Variants in CCDC102B observed in about 807,000 individuals in gnomAD.
CCDC102B encodes the protein coiled-coil domain-containing protein 102B.
Under a neutral mutation model 57.4 loss-of-function variants are expected in CCDC102B, and 75 were observed. The observed-to-expected ratio is 1.31, with a 90% CI of 1.08 to 1.58. The LOEUF (loss-of-function observed/expected upper bound fraction) is 1.58. Ranked by LOEUF, CCDC102B falls within the 40% of genes most tolerant of loss-of-function variation. The pLI, the probability that CCDC102B is intolerant of heterozygous loss-of-function variation, is 0.00. For synonymous variants in CCDC102B, 206 were observed against 201.9 expected (o/e 1.02, Z -0.17); for missense variants, 636 against 582.6 (o/e 1.09, Z -0.94).
chr18:68,973,636 G>A (rs2050356223), intron 6 of CCDC102B, among the ~76,000 whole-genome samples: 1 of 152,032 alleles, frequency 6.6e-6, no homozygotes, highest in Non-Finnish European at 1.5e-5. Context: ...TGTCAAAAAT[G>A]TACAATATAG....
In CCDC102B at chr18:68,838,839, A is replaced by T; in HGVS notation, c.740A>T (p.Asn247Ile). 3 of 1,614,050 alleles carry T rather than the reference A, an allele frequency of 1.9e-6. No individual in the cohort carries two copies. Among genetic ancestry groups the T allele is most frequent in the Non-Finnish European group, 2.5e-6 (3 of 1,179,964 alleles). ...TKTGLRLKAINLPLENEVTEI... is the reference protein window; with the variant it reads ...TKTGLRLKAIILPLENEVTEI... ...ACTGGGCTGAGACTGAAAGCAATAA[A>T]TCTGCCTTTGGAAAATGAAGTAACT... The change falls in exon 3 of 8, where the codon AAT becomes ATT. Residue 247 changes from asparagine (N) to isoleucine (I), a missense_variant. Coordinates refer to ENST00000360242, the MANE Select transcript of CCDC102B (RefSeq NM_024781.3).
At chr18:68,985,085 C>T (rs561887187) in intron 6 of CCDC102B, among the ~76,000 whole-genome samples, 35 of 152,230 alleles carry the variant, frequency 2.3e-4, no homozygotes, top group African/African-American at 8.2e-4. Context: ...GAGAAGTCTA[C>T]ACAATTTGTA....
At chr18:68,876,279 G>A (rs939170153) in intron 5 of CCDC102B, among the ~76,000 whole-genome samples, 37 of 152,288 alleles carry the variant, frequency 2.4e-4, no homozygotes, top group African/African-American at 7.0e-4. Flanking sequence ...ATGTAGAAAT[G>A]GACTTGCCTT....
chr18:68,791,028 A>T (rs1475177802), intron 2 of CCDC102B, among the ~76,000 whole-genome samples: 2 of 152,244 alleles, frequency 1.3e-5, no homozygotes, highest in African/African-American at 4.8e-5. Context: ...TCAAGAGAGT[A>T]AAATAAAACT....
At chr18:68,910,933 A>AC (rs1393186101) in intron 6 of CCDC102B, among the ~76,000 whole-genome samples, 1 of 151,738 alleles carries the variant, frequency 6.6e-6, no homozygotes, top group African/African-American at 2.4e-5. Flanking sequence ...GAAAAAAAAA[A>AC]AACAGATGAT....
intron 2 of CCDC102B, chr18:68,753,337 G>C (rs1328066705): frequency 6.6e-6 from 1 of 152,094 alleles, no homozygotes; most frequent in African/African-American, 2.4e-5. Context: ...TCAGCTGAAA[G>C]AGAGCCTGGA....
intron 2 of CCDC102B, among the ~76,000 whole-genome samples, chr18:68,723,675 A>T (rs1410771540): frequency 1.3e-5 from 2 of 152,212 alleles, no homozygotes; most frequent in Admixed American, 1.3e-4. Context: ...CTGATGCAAG[A>T]TGTGGAGCAG....
chr18:68,930,554 G>T (rs2041634895), intron 6 of CCDC102B, among the ~76,000 whole-genome samples: 1 of 151,906 alleles, frequency 6.6e-6, no homozygotes, highest in Non-Finnish European at 1.5e-5. Context: ...AAACGGAGCT[G>T]AAATTAAGGA....
chr18:68,722,437 AC>A (rs1016477696), intron 2 of CCDC102B, among the ~76,000 whole-genome samples: 1 of 152,086 alleles, frequency 6.6e-6, no homozygotes, highest in African/African-American at 2.4e-5. Context: ...TATAAAAGAC[AC>A]CCCACCACCA....
intron 3 of CCDC102B, among the ~76,000 whole-genome samples, chr18:68,840,660 C>T (rs978790977): frequency 2.0e-5 from 3 of 152,118 alleles, no homozygotes; most frequent in African/African-American, 7.2e-5. Flanking sequence ...GGTTTTACTT[C>T]TTGAAGCATT....
chr18:68,938,482 G>T (rs2049300834), intron 6 of CCDC102B, among the ~76,000 whole-genome samples: 1 of 151,728 alleles, frequency 6.6e-6, no homozygotes, highest in Admixed American at 6.6e-5. Flanking sequence ...GTACAACCAA[G>T]TAATTGGTTT....
chr18:68,757,479 A>G (rs571873159), intron 2 of CCDC102B, among the ~76,000 whole-genome samples: 37 of 152,332 alleles, frequency 2.4e-4, no homozygotes, highest in African/African-American at 8.9e-4. Flanking sequence ...TACATAACAA[A>G]CTGGTCAACC....
intron 4 of CCDC102B, among the ~76,000 whole-genome samples, chr18:68,865,841 T>C (rs1160936955): frequency 6.6e-6 from 1 of 152,226 alleles, no homozygotes; most frequent in Non-Finnish European, 1.5e-5. Flanking sequence ...GGTCAGCTTA[T>C]AAATAATTAC....
At chr18:68,811,873 G>A (rs17079746) in intron 1 of CCDC102B, among the ~76,000 whole-genome samples, 22,699 of 152,122 alleles carry the variant, frequency 0.15, 1,848 homozygotes, top group East Asian at 0.35. Context: ...TCTGAAGCCA[G>A]AAGAGACAAA....
chr18:68,803,158 T>C (rs1208208934), intron 1 of CCDC102B, among the ~76,000 whole-genome samples: 1 of 152,212 alleles, frequency 6.6e-6, no homozygotes, highest in African/African-American at 2.4e-5. Flanking sequence ...CTGACTTATT[T>C]AGTGGAACTT....
intron 6 of CCDC102B, among the ~76,000 whole-genome samples, chr18:68,978,374 A>G (rs1055575126): frequency 1.3e-5 from 2 of 152,080 alleles, no homozygotes; most frequent in African/African-American, 4.8e-5. Context: ...AAACTGTATT[A>G]TACAAATAAT....
intron 1 of CCDC102B, among the ~76,000 whole-genome samples, chr18:68,799,352 A>G (rs2035760267): frequency 1.3e-5 from 2 of 152,110 alleles, no homozygotes; most frequent in South Asian, 2.1e-4. Flanking sequence ...AGATAATTTC[A>G]TTGTCTCTCT....
chr18:68,823,198 A>C (rs1599517963), intron 1 of CCDC102B, among the ~76,000 whole-genome samples: 2 of 152,210 alleles, frequency 1.3e-5, no homozygotes, highest in East Asian at 3.9e-4. Flanking sequence ...GGGTACATAT[A>C]GGTGTTACCA....
rs1402103073 is a variant in CCDC102B at position 68,874,671 on chromosome 18, T to G, written c.939T>G (p.Phe313Leu). Reference protein sequence around the residue: ...KESKPKNVKEFDILLGQHNDE... With the variant: ...KESKPKNVKELDILLGQHNDE... ...GTAATTTCAACTTTCTTTTTCAGTT[T>G]GACATTCTTCTTGGTCAACATAATG... is the stretch of plus-strand genomic sequence containing the variant. The change falls in exon 5 of 8, where the codon TTT (phenylalanine) becomes TTG (leucine). Residue 313 changes from phenylalanine (F) to leucine (L), a missense_variant and splice_region_variant. Coordinates refer to ENST00000360242, the MANE Select transcript of CCDC102B (RefSeq NM_024781.3). 6.3e-7 allele frequency: 1 copy of G among 1,597,542 alleles called. No individual in the cohort carries two copies. The highest frequency in any genetic ancestry group is 2.2e-5 in the East Asian group (1 of 44,724).
Sources: gnomAD v4.1 joint callset for allele counts (sites outside exome capture counted in the v4.1 genomes callset) on GRCh38, gnomAD v4.1.1 for gene constraint, MANE v1.5 for transcripts, NCBI Gene and HGNC (gene_info 2026-07-23, HGNC 2026-07-21) for gene names.